The following TSHR variants were observed in gnomAD, a reference collection of about 807,000 sequenced individuals.
The protein encoded by TSHR is thyroid stimulating hormone receptor.
A neutral mutation model predicts 64.1 loss-of-function variants in TSHR; 51 were observed. The ratio of observed to expected loss-of-function variants is 0.80; its 90% CI spans 0.64 to 1.01. TSHR has a LOEUF of 1.01. Among genes scored for constraint, TSHR ranks in the 50% least tolerant of loss-of-function variants. TSHR has a pLI of 0.00. For synonymous variants in TSHR, 361 were observed against 361.9 expected, an observed-to-expected ratio of 1.00 and a Z score of 0.03; for missense variants, 877 against 942.8, an observed-to-expected ratio of 0.93 and a Z score of 0.91.
chr14:81,008,204 G>A (rs1414766856), intron 1 of TSHR, among the ~76,000 whole-genome samples: 3 of 144,402 alleles, frequency 2.1e-5, no homozygotes, highest in Non-Finnish European at 3.0e-5. Context: ...ATGGAGTCTC[G>A]CTCTGTCACC....
At chr14:81,062,269 TCTAAA>T in intron 2 of TSHR, 50 bp downstream of exon 2, 1 of 1,387,440 alleles carries the variant, frequency 7.2e-7, no homozygotes, top group Non-Finnish European at 1.0e-6. Context: ...TATGTTATTC[TCTAAA>T]CGTGTTCTAT....
At chr14:80,982,760 C>A in intron 1 of TSHR, 6 of 656,570 alleles carry the variant, frequency 9.1e-6, no homozygotes, top group Non-Finnish European at 1.0e-5. Flanking sequence ...AATGCCTATT[C>A]TTTGCCTGTG....
intron 1 of TSHR, among the ~76,000 whole-genome samples, chr14:81,049,165 T>C (rs2139863097): frequency 6.6e-6 from 1 of 152,252 alleles, no homozygotes; most frequent in South Asian, 2.1e-4. Flanking sequence ...AAGTGAGATT[T>C]TAAAAAAAAT....
chr14:81,071,914 T>C (rs1467100120), intron 3 of TSHR, among the ~76,000 whole-genome samples: 2 of 152,234 alleles, frequency 1.3e-5, no homozygotes, highest in Non-Finnish European at 2.9e-5. Flanking sequence ...TTCATCTTTA[T>C]TGGTAAATTC....
At chr14:81,009,532 T>C (rs1306548248) in intron 1 of TSHR, among the ~76,000 whole-genome samples, 1 of 152,188 alleles carries the variant, frequency 6.6e-6, no homozygotes, top group Non-Finnish European at 1.5e-5. Flanking sequence ...TGTGCTGCAG[T>C]TGATGTGCAT....
At chr14:81,081,078 A>T (rs1230154471) in intron 3 of TSHR, among the ~76,000 whole-genome samples, 1 of 152,134 alleles carries the variant, frequency 6.6e-6, no homozygotes, top group Non-Finnish European at 1.5e-5. Context: ...TTGGAGACTG[A>T]GGTGGGAGGA....
intron 2 of TSHR, 134 bp from the exon 3 acceptor site, chr14:81,068,120 G>T: frequency 1.4e-6 from 1 of 737,542 alleles, no homozygotes. Context: ...AACATAATTT[G>T]GCAGAATCCA....
chr14:81,109,521 T>C (rs1159013138), intron 8 of TSHR, among the ~76,000 whole-genome samples: 1 of 152,202 alleles, frequency 6.6e-6, no homozygotes, highest in Non-Finnish European at 1.5e-5. Flanking sequence ...AGAGGTTCTA[T>C]TTATACTTAT....
chr14:80,979,933 G>A (rs1401324217), intron 1 of TSHR, among the ~76,000 whole-genome samples: 1 of 152,144 alleles, frequency 6.6e-6, no homozygotes, highest in Admixed American at 6.5e-5. Flanking sequence ...TGGGGTCTCG[G>A]TCTCTTGAGT....
At position 80,973,245 on chromosome 14, in the gene TSHR, A is replaced by C. The variant is rs575789444; in HGVS notation, c.170+17395A>C. ...ACAGTGAAACCCCGTCTCTACTAAAAATACAAAAAATTAGCCGGGCTAGGT... is the reference window on the plus strand; with the variant it reads ...ACAGTGAAACCCCGTCTCTACTAAACATACAAAAAATTAGCCGGGCTAGGT... On this transcript the variant is annotated intron_variant, in intron 1 of 9. Coordinates refer to ENST00000298171, the MANE Select transcript of TSHR (RefSeq NM_000369.5). Among the ~76,000 whole-genome samples the C allele has an allele frequency of 1.1e-4, 16 of 151,922 alleles. No homozygotes were observed. In the South Asian group the frequency reaches 3.3e-3, roughly 32 times the overall value.
intron 1 of TSHR, chr14:80,992,749 T>C (rs1888805642): frequency 6.6e-6 from 1 of 152,228 alleles, no homozygotes; most frequent in Non-Finnish European, 1.5e-5. Context: ...CATTTGACTC[T>C]AAATAATAAA....
intron 1 of TSHR, chr14:81,032,473 G>C (rs1884398598): frequency 3.2e-6 from 1 of 315,020 alleles, no homozygotes; most frequent in Non-Finnish European, 6.4e-6. Flanking sequence ...CCTTGTAAAA[G>C]CAACAAGGGA....
chr14:80,997,210 A>T (rs1477755168), intron 1 of TSHR, among the ~76,000 whole-genome samples: 2 of 152,214 alleles, frequency 1.3e-5, no homozygotes, highest in Non-Finnish European at 2.9e-5. Context: ...CTCTGATTCC[A>T]AAGCTCCATG....
intron 7 of TSHR, among the ~76,000 whole-genome samples, chr14:81,101,707 A>G (rs59730049): frequency 0.11 from 17,301 of 151,998 alleles, 2,724 homozygotes; most frequent in African/African-American, 0.36. Context: ...CACACATACC[A>G]CCACACTCAC....
intron 2 of TSHR, among the ~76,000 whole-genome samples, chr14:81,067,110 G>A (rs1886673122): frequency 6.6e-6 from 1 of 152,106 alleles, no homozygotes; most frequent in South Asian, 2.1e-4. Flanking sequence ...AAATCATGAA[G>A]AGAAGTCTTA....
intron 7 of TSHR, chr14:81,104,730 T>C: frequency 2.0e-6 from 2 of 985,400 alleles, no homozygotes; most frequent in Non-Finnish European, 1.2e-6. Flanking sequence ...TTTTCCTGAC[T>C]GCATTGGTCT....
chr14:81,117,327 G>A (rs375864117), intron 8 of TSHR, among the ~76,000 whole-genome samples: 11,503 of 117,028 alleles, frequency 0.098, 1,539 homozygotes, highest in African/African-American at 0.24. Context: ...TCAAATAGAC[G>A]CAATAAAAAA....
At chr14:81,001,119 AT>A (rs967553833) in intron 1 of TSHR, 40 of 163,548 alleles carry the variant, frequency 2.4e-4, no homozygotes, top group Non-Finnish European at 3.0e-4. Context: ...ACTAACTTTT[AT>A]TTTTTTTTAA....
intron 8 of TSHR, among the ~76,000 whole-genome samples, chr14:81,128,344 G>A (rs1325923144): frequency 1.3e-5 from 2 of 152,076 alleles, no homozygotes; most frequent in African/African-American, 4.8e-5. Context: ...AGTCCCCCGA[G>A]GTCACCTGGC....
Sources: gnomAD v4.1 joint callset for allele counts (sites outside exome capture counted in the v4.1 genomes callset) on GRCh38, gnomAD v4.1.1 for gene constraint, MANE v1.5 for transcripts, NCBI Gene and HGNC (gene_info 2026-07-23, HGNC 2026-07-21) for gene names.